Variants in BLTP2 observed in about 807,000 individuals in gnomAD.
BLTP2 encodes the protein U937-associated antigen.
the BLTP2 span, chr17:28,644,263 A>G: frequency 6.6e-7 from 1 of 1,523,486 alleles, no homozygotes; most frequent in Non-Finnish European, 8.9e-7. Flanking sequence ...GGTCTTTCAA[A>G]GCCTTGCAAA....
At chr17:28,617,334 T>C in the BLTP2 span, 1 of 1,594,496 alleles carries the variant, frequency 6.3e-7, no homozygotes, top group Non-Finnish European at 8.6e-7. Flanking sequence ...AAGACAGATT[T>C]TGCCCCATCT....
At chr17:28,633,415 C>G in the BLTP2 span, 1 of 1,607,474 alleles carries the variant, frequency 6.2e-7, no homozygotes, top group African/African-American at 1.3e-5. Context: ...TGACCACCCC[C>G]GAGAATTTGG....
chr17:28,631,734 A>T, the BLTP2 span: 1 of 1,606,194 alleles, frequency 6.2e-7, no homozygotes, highest in Non-Finnish European at 8.5e-7. Context: ...AGGATAGTGT[A>T]AGACAGAGAT....
At chr17:28,642,606 G>A in the BLTP2 span, 51 of 554,104 alleles carry the variant, frequency 9.2e-5, no homozygotes, top group African/African-American at 7.0e-4. Flanking sequence ...AGCCAAGACC[G>A]CACCACTGCA....
the BLTP2 span, chr17:28,637,963 C>A: frequency 2.5e-6 from 4 of 1,614,200 alleles, no homozygotes; most frequent in Non-Finnish European, 3.4e-6. Context: ...GTGGACCCAT[C>A]AGGGATAAGA....
chr17:28,640,032 C>G, the BLTP2 span: 10 of 1,612,820 alleles, frequency 6.2e-6, no homozygotes, highest in Admixed American at 5.0e-5. Context: ...GTGCCTGGAC[C>G]GAGACAGATT....
chr17:28,645,087 G>T, the BLTP2 span: 2 of 1,557,320 alleles, frequency 1.3e-6, no homozygotes, highest in Non-Finnish European at 1.7e-6. Context: ...GCTTGGCCCC[G>T]GCCCCCGCCA....
At chr17:28,635,523 G>A in the BLTP2 span, 1 of 1,614,168 alleles carries the variant, frequency 6.2e-7, no homozygotes, top group South Asian at 1.1e-5. Context: ...GTAGGTCTCG[G>A]CACTGTAGAG....
chr17:28,643,514 C>T, the BLTP2 span: 2 of 1,422,818 alleles, frequency 1.4e-6, no homozygotes, highest in Non-Finnish European at 2.0e-6. Flanking sequence ...CTCCCTTCCT[C>T]CTTGGATTGT....
chr17:28,633,593 G>A, the BLTP2 span: 1 of 1,614,032 alleles, frequency 6.2e-7, no homozygotes. Context: ...ATGTCCATGT[G>A]CCAGTCTCCA....
chr17:28,628,079 C>T, the BLTP2 span, among the ~76,000 whole-genome samples: 1 of 152,214 alleles, frequency 6.6e-6, no homozygotes, highest in African/African-American at 2.4e-5. Context: ...TAGGACCAGA[C>T]CATTTAATGC....
chr17:28,616,646 TTCA>T, the BLTP2 span: 3 of 1,614,090 alleles, frequency 1.9e-6, no homozygotes, highest in African/African-American at 4.0e-5. This position sits in a 1 kb window ranked among gnomAD's most constrained non-coding sequence, Gnocchi z 4.8. Flanking sequence ...ACTTATCCTC[TTCA>T]TCACCAACTT....
chr17:28,630,568 C>G, the BLTP2 span, among the ~76,000 whole-genome samples: 1 of 151,324 alleles, frequency 6.6e-6, no homozygotes, highest in Admixed American at 6.6e-5. Context: ...GCAACCTCCA[C>G]CTCCCGGGTT....
the BLTP2 span, chr17:28,638,047 G>A: frequency 1.2e-6 from 2 of 1,614,112 alleles, no homozygotes; most frequent in African/African-American, 2.7e-5. Context: ...CAAGAAAAAG[G>A]GTATCTGACT....
chr17:28,642,460 A>G, the BLTP2 span: 1 of 758,870 alleles, frequency 1.3e-6, no homozygotes, highest in Non-Finnish European at 2.3e-6. Context: ...GACCATCCTG[A>G]CTAACACGGT....
At chr17:28,616,597 C>T in the BLTP2 span, 1 of 1,614,062 alleles carries the variant, frequency 6.2e-7, no homozygotes, top group South Asian at 1.1e-5. This position sits in a 1 kb window ranked among gnomAD's most constrained non-coding sequence, Gnocchi z 4.8. Flanking sequence ...TCTTCTGGGG[C>T]TCCACCATAA....
chr17:28,642,917 T>A, the BLTP2 span: 2 of 1,611,386 alleles, frequency 1.2e-6, no homozygotes. Flanking sequence ...GATCTGAATA[T>A]GCCATAAGGA....
At chr17:28,626,051 C>T in the BLTP2 span, among the ~76,000 whole-genome samples, 5 of 152,218 alleles carry the variant, frequency 3.3e-5, no homozygotes, top group Non-Finnish European at 5.9e-5. Flanking sequence ...GCGTGAGCCA[C>T]CATGCCTGGC....
chr17:28,625,757 C>A, the BLTP2 span, among the ~76,000 whole-genome samples: 289 of 152,244 alleles, frequency 1.9e-3, 1 homozygote, highest in South Asian at 0.01. Flanking sequence ...CTAGTTCTAG[C>A]CCTCAATGCT....
Sources: gnomAD v4.1 joint callset for allele counts (sites outside exome capture counted in the v4.1 genomes callset) on GRCh38, gnomAD v4.1.1 for gene constraint, Gnocchi (gnomAD v3.1) non-coding constraint, MANE v1.5 for transcripts, NCBI Gene and HGNC (gene_info 2026-07-23, HGNC 2026-07-21) for gene names.